CPVL: variants seen among roughly 807,000 people sequenced by gnomAD.
The protein encoded by CPVL is carboxypeptidase vitellogenic like, also known as probable serine carboxypeptidase CPVL.
Under a neutral mutation model 63.7 loss-of-function variants are expected in CPVL, and 51 were observed. The ratio of observed to expected loss-of-function variants is 0.80; its 90% CI spans 0.64 to 1.01. CPVL has a LOEUF of 1.01. CPVL is among the 50% of genes least tolerant of loss of function. CPVL has a pLI of 0.00. For missense variants in CPVL, 530 were observed against 573.1 expected (o/e 0.92, Z 0.77); for synonymous variants, 195 against 206.0 (o/e 0.95, Z 0.46).
rs35465616 is a variant in CPVL, at chr7:29,141,914, C to CA, written c.-11+4514dup. On this transcript the variant is annotated intron_variant, in intron 1 of 12. Coordinates refer to ENST00000265394, the MANE Select transcript of CPVL (RefSeq NM_031311.5). ...TAGGCAACAGAGTGAGACACCATCTCAAAAAAAAAAAAAGTAGCTGTTGCC... is the reference window on the plus strand; with the variant it reads ...TAGGCAACAGAGTGAGACACCATCTCAAAAAAAAAAAAAAGTAGCTGTTGCC... 2.0e-3 allele frequency among the ~76,000 whole-genome samples: 287 copies of CA among 143,450 alleles called. 1 individual carries two copies. The East Asian group carries it at 0.03, about 15-fold the overall frequency. 94.1% of individuals were successfully genotyped at this position (143,450 alleles called of 152,430 possible).
At chr7:29,035,625 G>C (rs1052646340) in intron 11 of CPVL, among the ~76,000 whole-genome samples, 4 of 135,850 alleles carry the variant, frequency 2.9e-5, no homozygotes, top group Non-Finnish European at 6.1e-5. Flanking sequence ...CTTAAAAACA[G>C]GAGCTCCCGA....
chr7:29,075,955 A>AGTTTTTTTT (rs1784198991), intron 7 of CPVL, among the ~76,000 whole-genome samples: 1 of 9,452 alleles, frequency 1.1e-4, no homozygotes, highest in African/African-American at 4.1e-4. Context: ...TTGTTGAGAT[A>AGTTTTTTTT]GTTTTTTTTT....
At position 29,112,817 on chromosome 7, in the gene CPVL, C is replaced by A. The variant is rs770230527; in HGVS notation, c.175G>T (p.Glu59Ter). The change falls in exon 3 of 13, where the codon GAA (glutamate) becomes TAA (stop). Residue 59 changes from glutamate (E) to a stop codon, truncating the protein, a stop_gained. Transcript: ENST00000265394. LOFTEE classifies it high-confidence loss of function. Reference sequence around the variant, plus strand: ...GGGAAAGGGCCGACCAAACTCAATTCTCTTCCTAGTGGGGGAAAAAAAATT... The same window carrying A: ...GGGAAAGGGCCGACCAAACTCAATTATCTTCCTAGTGGGGGAAAAAAAATT... Reference protein sequence around the residue: ...IEAGKIQKGRELSLVGPFPGL... With the variant: ...IEAGKIQKGR The A allele has an allele frequency of 1.1e-5, 17 of 1,609,672 alleles. No homozygotes were observed. The highest frequency in any genetic ancestry group is 1.7e-4 in the Middle Eastern group (1 of 6,032).
chr7:29,164,791 A>C (rs570933922), intron 5 of CPVL, among the ~76,000 whole-genome samples: 3 of 151,760 alleles, frequency 2.0e-5, no homozygotes, highest in East Asian at 1.9e-4. Flanking sequence ...AAAAAAAAAA[A>C]AAAAAAAAAA....
chr7:29,106,532 G>C (rs1259924776), intron 3 of CPVL, among the ~76,000 whole-genome samples: 1 of 152,156 alleles, frequency 6.6e-6, no homozygotes, highest in Non-Finnish European at 1.5e-5. Flanking sequence ...CATAGGCACA[G>C]AAAGAGAAGA....
At chr7:29,128,584 C>T (rs1448024127) in intron 1 of CPVL, among the ~76,000 whole-genome samples, 1 of 151,868 alleles carries the variant, frequency 6.6e-6, no homozygotes, top group Admixed American at 6.6e-5. Context: ...GGCATGGTGG[C>T]ACACGCCTGT....
Position 29,174,267 on chromosome 7 carries a change from C to G in CPVL, c.-11+7023G>C, listed in dbSNP as rs186267651. Among the ~76,000 whole-genome samples the G allele has an allele frequency of 2.3e-3, 347 of 152,302 alleles. 1 individual carries two copies. The highest frequency in any genetic ancestry group is 0.01 in the Middle Eastern group (3 of 294). ...GCCCTTGAGAAGCAAAGCCCTCTGC[C>G]TCTGGAGGGGGGCCAGCAATCCCGT... On this transcript the variant is annotated intron_variant, in intron 5 of 16. Coordinates refer to the CPVL transcript ENST00000409850.
At chr7:29,106,674 CA>C (rs537690973) in intron 3 of CPVL, among the ~76,000 whole-genome samples, 1 of 146,252 alleles carries the variant, frequency 6.8e-6, no homozygotes, top group Admixed American at 6.8e-5. Context: ...AGCTGAGAGG[CA>C]AAAAAAAACA....
chr7:29,101,375 T>C (rs886843736), intron 3 of CPVL, among the ~76,000 whole-genome samples: 13 of 151,908 alleles, frequency 8.6e-5, no homozygotes, highest in African/African-American at 3.1e-4. Flanking sequence ...CTGAGGCGGG[T>C]GGATCACGAG....
intron 3 of CPVL, among the ~76,000 whole-genome samples, chr7:29,100,358 C>T (rs1381122255): frequency 1.3e-5 from 2 of 152,164 alleles, no homozygotes; most frequent in African/African-American, 4.8e-5. Flanking sequence ...ATTCCAATTC[C>T]ATTGGTCTGT....
At chr7:28,994,649 A>G (rs1037789017), downstream of CPVL, among the ~76,000 whole-genome samples, 2 of 152,232 alleles carry the variant, frequency 1.3e-5, no homozygotes, top group African/African-American at 4.8e-5. Context: ...TGATCAGAAT[A>G]TTTGATTTAA....
chr7:29,139,744 C>T (rs143851682), intron 1 of CPVL, among the ~76,000 whole-genome samples: 150 of 152,254 alleles, frequency 9.9e-4, no homozygotes, highest in African/African-American at 3.4e-3. Context: ...AGTCTGCCAG[C>T]TCAGAAATCT....
intron 6 of CPVL, among the ~76,000 whole-genome samples, chr7:29,091,076 C>G (rs575217852): frequency 6.6e-6 from 1 of 152,296 alleles, no homozygotes; most frequent in East Asian, 1.9e-4. Flanking sequence ...GTTTTCTGCA[C>G]CACCCTTGAT....
At position 29,064,249 on chromosome 7, in the gene CPVL, A is replaced by G. The variant is rs770224610; in HGVS notation, c.964-15T>C. The G allele has an allele frequency of 1.0e-5, 16 of 1,577,698 alleles. No individual in the cohort carries two copies. The highest frequency in any genetic ancestry group is 1.3e-5 in the Non-Finnish European group (15 of 1,148,314). ...TCCTCAGGTTCCTGGCAGAAGGGGC[A>G]TTGGAAAGACATAGGGAACATGATT... On this transcript the variant is annotated splice_polypyrimidine_tract_variant and intron_variant, in intron 10 of 12. Coordinates refer to ENST00000265394, the MANE Select transcript of CPVL (RefSeq NM_031311.5).
chr7:29,186,897 G>C (rs17157613), intron 1 of CPVL, among the ~76,000 whole-genome samples: 5,137 of 152,136 alleles, frequency 0.034, 311 homozygotes, highest in East Asian at 0.19. Context: ...AAAGAGCAGG[G>C]ATGATAATAT....
intron 1 of CPVL, among the ~76,000 whole-genome samples, chr7:29,121,479 G>C (rs189602097): frequency 1.8e-4 from 28 of 152,216 alleles, no homozygotes; most frequent in Non-Finnish European, 3.7e-4. Context: ...ATGCAGTTTG[G>C]AAAGTAAATT....
intron 1 of CPVL, among the ~76,000 whole-genome samples, chr7:29,135,171 T>A (rs548126498): frequency 6.7e-6 from 1 of 149,630 alleles, no homozygotes; most frequent in African/African-American, 2.5e-5. Flanking sequence ...TCTGCAGAGG[T>A]ATAGATATGA....
At chr7:29,080,610 T>C (rs1317244195) in intron 7 of CPVL, among the ~76,000 whole-genome samples, 1 of 145,760 alleles carries the variant, frequency 6.9e-6, no homozygotes, top group Non-Finnish European at 1.5e-5. Flanking sequence ...TAAATATCAA[T>C]ATTTTTATTT....
intron 7 of CPVL, among the ~76,000 whole-genome samples, chr7:29,077,816 C>A (rs1396685094): frequency 2.0e-5 from 3 of 152,176 alleles, no homozygotes; most frequent in Non-Finnish European, 2.9e-5. Flanking sequence ...TATACACACA[C>A]TGAACACCCC....
Sources: gnomAD v4.1 joint callset for allele counts (sites outside exome capture counted in the v4.1 genomes callset) on GRCh38, gnomAD v4.1.1 for gene constraint, MANE v1.5 for transcripts, NCBI Gene and HGNC (gene_info 2026-07-23, HGNC 2026-07-21) for gene names.